Variants in COIL observed in about 807,000 individuals in gnomAD.
COIL encodes the protein coilin p80.
A neutral mutation model predicts 51.6 loss-of-function variants in COIL; 28 were observed. The observed-to-expected ratio is 0.54, with a 90% CI of 0.40 to 0.74. The LOEUF is 0.74. Ranked by LOEUF, COIL falls within the 30% of genes least tolerant of loss-of-function variation. The pLI is 0.00. For synonymous variants in COIL, 233 were observed against 255.8 expected (o/e 0.91, Z 0.85); for missense variants, 667 against 685.9 (o/e 0.97, Z 0.31).
In COIL at chr17:56,950,692, A is replaced by AT; in HGVS notation, c.549dup (p.Ser184IlefsTer9). 6.2e-7 allele frequency: 1 copy of AT among 1,606,304 alleles called. No individual in the cohort carries two copies. Among genetic ancestry groups the AT allele is most frequent in the Non-Finnish European group, 8.5e-7 (1 of 1,178,192 alleles). Reference sequence around the variant, plus strand: ...TCACATTTCTCCTTTTTCTTTGGTGATTTTCTTTTGGCCTCTTCGTTATCA... The same window carrying AT: ...TCACATTTCTCCTTTTTCTTTGGTGATTTTTCTTTTGGCCTCTTCGTTATCA... On this transcript the variant is annotated frameshift_variant, in exon 2 of 7. Coordinates refer to ENST00000240316, the MANE Select transcript of COIL (RefSeq NM_004645.3). LOFTEE classifies it high-confidence loss of function.
Position 56,949,882 on chromosome 17 carries a change from T to C in COIL, c.1353+7A>G, listed in dbSNP as rs1188390601. The C allele has an allele frequency of 3.1e-6, 5 of 1,612,392 alleles. No homozygotes were observed. In the African/African-American group the frequency reaches 6.7e-5, roughly 22 times the overall value. Reference sequence around the variant, plus strand: ...GGAGGAGATAACTTACAAAAAATAATACTTACCTGGATAATAGTAGATGAA... The same window carrying C: ...GGAGGAGATAACTTACAAAAAATAACACTTACCTGGATAATAGTAGATGAA... On this transcript the variant is annotated splice_region_variant and intron_variant, in intron 2 of 6. Transcript: ENST00000240316.
chr17:56,950,596 A>G lies in COIL; in HGVS notation c.646T>C (p.Cys216Arg), dbSNP rs372367955. 1 of 1,614,050 alleles carries G rather than the reference A, an allele frequency of 6.2e-7. No individual in the cohort carries two copies. The highest frequency in any genetic ancestry group is 8.5e-7 in the Non-Finnish European group (1 of 1,180,034). The change falls in exon 2 of 7, where the codon TGT becomes CGT. Residue 216 changes from cysteine to arginine, a missense_variant. Coordinates refer to ENST00000240316, the MANE Select transcript of COIL (RefSeq NM_004645.3). Reference sequence around the variant, plus strand: ...CTAGCAGAACCTTTTGGAGAACTACATCTCTGATTGGCCCAGTCTTTCACT... The same window carrying G: ...CTAGCAGAACCTTTTGGAGAACTACGTCTCTGATTGGCCCAGTCTTTCACT... ...QAVKDWANQRCSSPKGSARNS... is the reference protein window; with the variant it reads ...QAVKDWANQRRSSPKGSARNS...
chr17:56,950,992 T>C lies in COIL; in HGVS notation c.250A>G (p.Lys84Glu). ...LVRDNDCLRV[K>E]LEERGVAENS... ...TCAGCAACTCCTCTCTCTTCTAATT[T>C]AACTCTGTCAAAAGAACAAGAGAGA... The change falls in exon 2 of 7, where the codon AAA (lysine) becomes GAA (glutamate). Residue 84 changes from lysine to glutamate, a missense_variant. Lys to Glu is a moderately conservative substitution (Grantham distance 56). Transcript: ENST00000240316. 6.3e-7 allele frequency: 1 copy of C among 1,597,138 alleles called. No individual in the cohort carries two copies. Among genetic ancestry groups the C allele is most frequent in the Non-Finnish European group, 8.5e-7 (1 of 1,176,950 alleles).
intron 5 of COIL, among the ~76,000 whole-genome samples, chr17:56,943,693 G>A (rs977056103): frequency 6.6e-6 from 1 of 152,168 alleles, no homozygotes; most frequent in African/African-American, 2.4e-5. Flanking sequence ...ATGTTATATA[G>A]TGATATGTGG....
rs56914949 is a variant in COIL at position 56,945,020 on chromosome 17, T to TAAAC, written c.1558+1418_1558+1421dup. On this transcript the variant is annotated intron_variant, in intron 5 of 6. Transcript: ENST00000240316. ...CGACAGCAACACTCCGTCTCAAAAA[T>TAAAC]AAACAAACAAACAAACAAACAAACA... is the stretch of plus-strand genomic sequence containing the variant. Among the ~76,000 whole-genome samples, 272 of 139,326 alleles carry TAAAC rather than the reference T, an allele frequency of 2.0e-3. 1 individual carries two copies. The highest frequency in any genetic ancestry group is 6.3e-3 in the East Asian group (29 of 4,568). 91.4% of individuals were successfully genotyped at this position (139,326 alleles called of 152,430 possible).
At chr17:56,956,422 T>C (rs971961705) in intron 1 of COIL, among the ~76,000 whole-genome samples, 2 of 150,286 alleles carry the variant, frequency 1.3e-5, no homozygotes, top group Non-Finnish European at 3.0e-5. Context: ...TTGTTTGTTT[T>C]TTGGGGTTTT....
chr17:56,942,219 A>G (rs2240214), intron 5 of COIL, 96 bp from the exon 6 acceptor site: 100,309 of 957,258 alleles, frequency 0.1, 6,836 homozygotes, highest in African/African-American at 0.26. Flanking sequence ...GAAAACAACC[A>G]CAAACAAACT....
At chr17:56,949,836 A>G in intron 2 of COIL, 53 bp downstream of exon 2, 1 of 1,610,912 alleles carries the variant, frequency 6.2e-7, no homozygotes, top group Non-Finnish European at 8.5e-7. Context: ...CATGAACTCC[A>G]CACACATTCT....
At chr17:56,955,393 A>C (rs1408676446) in intron 1 of COIL, among the ~76,000 whole-genome samples, 1 of 152,188 alleles carries the variant, frequency 6.6e-6, no homozygotes, top group Non-Finnish European at 1.5e-5. Flanking sequence ...ACTCTTTGCA[A>C]GGCAAACTGA....
chr17:56,943,482 T>C (rs919756856), intron 5 of COIL, among the ~76,000 whole-genome samples: 2 of 152,216 alleles, frequency 1.3e-5, no homozygotes, highest in Non-Finnish European at 2.9e-5. Context: ...TGTGCCTTTA[T>C]CTTTGTGGGC....
intron 1 of COIL, among the ~76,000 whole-genome samples, chr17:56,958,376 G>A (rs1220511099): frequency 1.3e-5 from 2 of 152,198 alleles, no homozygotes; most frequent in Non-Finnish European, 2.9e-5. Context: ...AAGTGAATTT[G>A]CCAGGGAAAA....
chr17:56,947,960 T>G (rs1282467840), intron 4 of COIL, among the ~76,000 whole-genome samples: 1 of 152,068 alleles, frequency 6.6e-6, no homozygotes, highest in Non-Finnish European at 1.5e-5. Context: ...TAACTATTAA[T>G]AGCATCCCTT....
At position 56,960,845 on chromosome 17, in the gene COIL, G is replaced by C. The variant is rs1206809161; in HGVS notation, c.175C>G (p.Leu59Val). 1 of 1,610,384 alleles carries C rather than the reference G, an allele frequency of 6.2e-7. No individual in the cohort carries two copies. Among genetic ancestry groups the C allele is most frequent in the African/African-American group, 1.3e-5 (1 of 74,920 alleles). Residue 59 changes from leucine (L) to valine (V), a missense_variant, in exon 1 of 7, where the codon CTC becomes GTC. Coordinates refer to ENST00000240316, the MANE Select transcript of COIL (RefSeq NM_004645.3). ...GGCAAGAGCCCCCCCTCCAGGTAGA[G>C]GCCTAGGAAGGCCCCAGAACTGAAG... ...FGFSSGAFLGLYLEGGLLPPA... is the reference protein window; with the variant it reads ...FGFSSGAFLGVYLEGGLLPPA...
At chr17:56,946,227 T>C (rs751548238) in intron 5 of COIL, among the ~76,000 whole-genome samples, 7 of 152,240 alleles carry the variant, frequency 4.6e-5, no homozygotes, top group Non-Finnish European at 8.8e-5. Context: ...TAATCTTTTA[T>C]GAAATTATAT....
At chr17:56,940,055 G>A (rs1234578458) in intron 6 of COIL, 1 of 152,044 alleles carries the variant, frequency 6.6e-6, no homozygotes, top group Non-Finnish European at 1.5e-5. Flanking sequence ...CTAAGGCTTG[G>A]TCCTATGAAT....
intron 6 of COIL, chr17:56,941,136 CAAAAAAAAAAAAA>C (rs1204923329): frequency 4.0e-5 from 2 of 50,300 alleles, no homozygotes; most frequent in African/African-American, 1.4e-4. Flanking sequence ...GACTCTGTCT[CAAAAAAAAAAAAA>C]AAAAAAAAAG....
At chr17:56,954,655 G>A (rs1318762177) in intron 1 of COIL, among the ~76,000 whole-genome samples, 1 of 151,950 alleles carries the variant, frequency 6.6e-6, no homozygotes, top group Non-Finnish European at 1.5e-5. Context: ...TGTTCCCCAA[G>A]AGAATAATTT....
intron 1 of COIL, among the ~76,000 whole-genome samples, chr17:56,957,787 C>T (rs1430224908): frequency 6.6e-6 from 1 of 152,162 alleles, no homozygotes; most frequent in African/African-American, 2.4e-5. Context: ...AGCAAACTAA[C>T]ACAGGGGGCT....
At position 56,950,187 on chromosome 17, in the gene COIL, C is replaced by G; in HGVS notation, c.1055G>C (p.Arg352Pro). Reference protein sequence around the residue: ...KTVGLFAGRGRPGPGLSSQTA... With the variant: ...KTVGLFAGRGPPGPGLSSQTA... The stretch of plus-strand genomic sequence containing the variant: ...CTGTGATGACAGCCCTGGGCCTGGA[C>G]GACCTCTTCCTGCAAAAAGGCCTAC... The change falls in exon 2 of 7, where the codon CGT (arginine) becomes CCT (proline). Residue 352 changes from arginine (R) to proline (P), a missense_variant. Coordinates refer to ENST00000240316, the MANE Select transcript of COIL (RefSeq NM_004645.3). The G allele has an allele frequency of 6.2e-7, 1 of 1,613,956 alleles. No homozygotes were observed. Among genetic ancestry groups the G allele is most frequent in the Admixed American group, 1.7e-5 (1 of 60,006 alleles).
Sources: allele counts gnomAD v4.1 joint callset (sites outside exome capture counted in the v4.1 genomes callset), GRCh38; gene constraint gnomAD v4.1.1; transcripts MANE v1.5; gene names NCBI Gene and HGNC (gene_info 2026-07-23, HGNC 2026-07-21).